Variants in TRPM4 observed in about 807,000 individuals in gnomAD.
The protein encoded by TRPM4 is transient receptor potential cation channel subfamily M member 4, also known as calcium-activated non-selective cation channel 1.
TRPM4 carries 124 observed loss-of-function variants against 135.6 expected under a neutral mutation model. The observed-to-expected ratio is 0.91, with a 90% CI of 0.79 to 1.06. The LOEUF (loss-of-function observed/expected upper bound fraction) is 1.06. TRPM4 is among the 50% of genes least tolerant of loss of function. The pLI, the probability that TRPM4 is intolerant of heterozygous loss-of-function variation, is 0.00. For missense variants in TRPM4, 1,658 were observed against 1,671.4 expected (o/e 0.99, Z 0.14); for synonymous variants, 745 against 705.6 (o/e 1.06, Z -0.88).
chr19:49,161,226 T>C (rs148995939), intron 2 of TRPM4, among the ~76,000 whole-genome samples: 31 of 151,118 alleles, frequency 2.1e-4, no homozygotes, highest in Admixed American at 1.7e-3. Flanking sequence ...GTCAGGGGAG[T>C]TGCAAACTGG....
chr19:49,159,557 A>G (rs1338036171), intron 2 of TRPM4: 1 of 151,852 alleles, frequency 6.6e-6, no homozygotes, highest in Non-Finnish European at 1.5e-5. Flanking sequence ...ATATCAGCTC[A>G]CTGCAACATC....
Position 49,190,710 on chromosome 19 carries a change from A to T in TRPM4, c.2147A>T (p.Glu716Val). The change falls in exon 16 of 25, where the codon GAG becomes GTG. Residue 716 changes from glutamate to valine, a missense_variant. Glu to Val is a moderately radical substitution (Grantham distance 121). Around this residue, in one of 3 missense-constraint regions of TRPM4, gnomAD observed 1,412 missense variants for 1,408.7 expected, o/e 1.00. Coordinates refer to ENST00000252826, the MANE Select transcript of TRPM4 (RefSeq NM_017636.4). ...CCCCTTGCTAGGAAATCAGAAGAGG[A>T]GCCCACACGGGAGGAGCTAGAGTTT... The part of the protein sequence containing the change: ...RLITFRKSEE[E>V]PTREELEFDM... The T allele has an allele frequency of 6.2e-7, 1 of 1,613,996 alleles. No homozygotes were observed. Among genetic ancestry groups the T allele is most frequent in the Non-Finnish European group, 8.5e-7 (1 of 1,179,988 alleles).
chr19:49,190,855 C>T (rs1196885902), intron 16 of TRPM4, 82 bp downstream of exon 16: 2 of 1,271,502 alleles, frequency 1.6e-6, no homozygotes, highest in Non-Finnish European at 2.3e-6. Flanking sequence ...TTGTGTTAGT[C>T]CCCTCTTGAG....
intron 12 of TRPM4, among the ~76,000 whole-genome samples, chr19:49,185,801 A>G (rs1478101211): frequency 6.6e-6 from 1 of 151,720 alleles, no homozygotes; most frequent in Non-Finnish European, 1.5e-5. Flanking sequence ...CCCAGGCTAG[A>G]GTACAGTGGT....
At chr19:49,182,076 CCATCCATCCATCCA>C (rs1967955089) in intron 10 of TRPM4, among the ~76,000 whole-genome samples, 1 of 143,454 alleles carries the variant, frequency 7.0e-6, no homozygotes. Context: ...ATCCATCCAT[CCATCCATCCATCCA>C]TCTGTCCATC....
chr19:49,171,694 A>G lies in TRPM4; in HGVS notation c.975A>G (p.Gly325=), dbSNP rs1306179177. Residue 325 remains glycine, a synonymous_variant, in exon 8 of 25, where the codon GGA becomes GGG. Coordinates refer to ENST00000252826, the MANE Select transcript of TRPM4 (RefSeq NM_017636.4). This position sits in a 1 kb window ranked among gnomAD's most constrained non-coding sequence, Gnocchi z 4.7. Reference sequence around the variant, plus strand: ...ACACTCTGGCCCCAGGGAGTGGGGGAGCCAGGCAAGGCGAAGCCCGAGATC... The same window carrying G: ...ACACTCTGGCCCCAGGGAGTGGGGGGGCCAGGCAAGGCGAAGCCCGAGATC... ...LEDTLAPGSG[G]ARQGEARDRI... 1.2e-6 allele frequency: 2 copies of G among 1,613,480 alleles called. No homozygotes were observed. Among genetic ancestry groups the G allele is most frequent in the African/African-American group, 1.3e-5 (1 of 74,730 alleles).
At position 49,200,766 on chromosome 19, in the gene TRPM4, T is replaced by C. The variant is rs35516880; in HGVS notation, c.2934T>C (p.Ile978=). ...CCTACCTGCAGATCTTCGGGCAGAT[T>C]CCCCAGGAGGACATGGACGGTAGGG... is the stretch of plus-strand genomic sequence containing the variant. ...YRPYLQIFGQ[I]PQEDMDVALM... Residue 978 remains isoleucine (I), a synonymous_variant, in exon 19 of 25, where the codon ATT becomes ATC. Coordinates refer to ENST00000252826, the MANE Select transcript of TRPM4 (RefSeq NM_017636.4). 7,777 of 1,614,002 alleles carry C rather than the reference T, an allele frequency of 4.8e-3. 294 individuals are homozygous for C. The African/African-American group carries it at 0.085, about 18-fold the overall frequency.
intron 2 of TRPM4, among the ~76,000 whole-genome samples, chr19:49,162,816 C>A (rs1472958313): frequency 2.0e-5 from 3 of 151,946 alleles, no homozygotes; most frequent in African/African-American, 7.3e-5. Flanking sequence ...GGCTGGAGTG[C>A]AGTGGTGCAA....
At chr19:49,158,927 G>A (rs980999426) in intron 2 of TRPM4, 2 of 152,232 alleles carry the variant, frequency 1.3e-5, no homozygotes, top group African/African-American at 2.4e-5. Flanking sequence ...CCCTGTCTTG[G>A]TGGCCGGGGA....
chr19:49,199,665 C>T (rs1311034871), intron 17 of TRPM4, among the ~76,000 whole-genome samples: 3 of 152,000 alleles, frequency 2.0e-5, no homozygotes, highest in African/African-American at 7.2e-5. Context: ...GTCTTAATAT[C>T]TTCATATCTT....
intron 20 of TRPM4, among the ~76,000 whole-genome samples, chr19:49,203,929 A>G (rs1969049418): frequency 6.6e-6 from 1 of 152,084 alleles, no homozygotes; most frequent in Non-Finnish European, 1.5e-5. Flanking sequence ...GGAGTTCGAG[A>G]CCAGCCTGGC....
chr19:49,179,953 T>C (rs189386969), intron 9 of TRPM4, among the ~76,000 whole-genome samples: 1 of 152,280 alleles, frequency 6.6e-6, no homozygotes, highest in South Asian at 2.1e-4. Context: ...CTATTTCCCA[T>C]TTAATAGATG....
chr19:49,174,181 CT>C (rs1967583218), intron 9 of TRPM4, among the ~76,000 whole-genome samples: 1 of 151,962 alleles, frequency 6.6e-6, no homozygotes, highest in Non-Finnish European at 1.5e-5. Context: ...GAGACAGAGT[CT>C]TGCTCTGTCG....
chr19:49,199,905 G>T (rs1211539322), intron 17 of TRPM4, among the ~76,000 whole-genome samples: 1 of 152,156 alleles, frequency 6.6e-6, no homozygotes, highest in Non-Finnish European at 1.5e-5. Context: ...CTGGCCGTTT[G>T]AACGTCCTCT....
chr19:49,203,347 T>A (rs934195666), intron 20 of TRPM4, among the ~76,000 whole-genome samples: 1 of 151,354 alleles, frequency 6.6e-6, no homozygotes. Context: ...ACCTGGCTAA[T>A]TTTTTGTATT....
At chr19:49,176,424 G>C (rs1356181631) in intron 9 of TRPM4, among the ~76,000 whole-genome samples, 2 of 152,020 alleles carry the variant, frequency 1.3e-5, no homozygotes, top group Admixed American at 6.6e-5. Context: ...TCCCTATGTT[G>C]CCTGGGCTGG....
chr19:49,202,014 C>T lies in TRPM4; in HGVS notation c.3004C>T (p.His1002Tyr), dbSNP rs985641822. 5 of 1,613,576 alleles carry T rather than the reference C, an allele frequency of 3.1e-6. No individual in the cohort carries two copies. Among genetic ancestry groups the T allele is most frequent in the Middle Eastern group, 1.6e-4 (1 of 6,084 alleles). Reference sequence around the variant, plus strand: ...CTCGTCGGAGCCCGGCTTCTGGGCACACCCTCCTGGGGCCCAGGCGGGCAC... The same window carrying T: ...CTCGTCGGAGCCCGGCTTCTGGGCATACCCTCCTGGGGCCCAGGCGGGCAC... ...NCSSEPGFWA[H>Y]PPGAQAGTCV... Residue 1002 changes from histidine to tyrosine, a missense_variant, in exon 20 of 25, where the codon CAC becomes TAC. Coordinates refer to ENST00000252826, the MANE Select transcript of TRPM4 (RefSeq NM_017636.4).
chr19:49,195,648 G>T (rs948788239), intron 16 of TRPM4, among the ~76,000 whole-genome samples: 11 of 151,252 alleles, frequency 7.3e-5, no homozygotes, highest in African/African-American at 2.4e-4. Flanking sequence ...GGGATTACAA[G>T]CGTGAGCTAG....
intron 16 of TRPM4, among the ~76,000 whole-genome samples, chr19:49,191,941 G>T (rs1032043583): frequency 1.3e-5 from 2 of 152,148 alleles, no homozygotes; most frequent in African/African-American, 2.4e-5. Context: ...CCATCAAGGA[G>T]GCCATCACCA....
Sources: allele counts gnomAD v4.1 joint callset (sites outside exome capture counted in the v4.1 genomes callset), GRCh38; gene constraint gnomAD v4.1.1; regional missense constraint gnomAD v4.1.1; non-coding constraint Gnocchi (gnomAD v3.1); transcripts MANE v1.5; gene names NCBI Gene and HGNC (gene_info 2026-07-23, HGNC 2026-07-21).